Variants in MYO5B observed in about 807,000 individuals in gnomAD.
MYO5B encodes the protein unconventional myosin-Vb.
A neutral mutation model predicts 229.3 loss-of-function variants in MYO5B; 143 were observed. The observed-to-expected ratio is 0.62, with a 90% CI of 0.54 to 0.72. The LOEUF (loss-of-function observed/expected upper bound fraction) is 0.72. MYO5B is among the 30% of genes least tolerant of loss of function. The pLI is 0.00. For synonymous variants in MYO5B, 918 were observed against 885.2 expected, an observed-to-expected ratio of 1.04 and a Z score of -0.66; for missense variants, 2,321 against 2,331.0, an observed-to-expected ratio of 1.00 and a Z score of 0.09.
intron 4 of MYO5B, among the ~76,000 whole-genome samples, chr18:50,005,346 G>A (rs574997296): frequency 3.0e-4 from 46 of 152,220 alleles, no homozygotes; most frequent in Middle Eastern, 3.4e-3. Context: ...GGTAAGCCAC[G>A]TACCCACATT....
intron 4 of MYO5B, among the ~76,000 whole-genome samples, chr18:50,016,651 T>C (rs537752100): frequency 6.6e-6 from 1 of 152,322 alleles, no homozygotes; most frequent in African/African-American, 2.4e-5. Context: ...TTATTTATGG[T>C]GACATCTGAG....
rs1568038134 is a variant in MYO5B, at chr18:49,937,364, TGTC to T, written c.1783_1785del (p.Asp595del). ...GGGGTGGTGGCAGGAACAGGGTCCTTGTCATCATGAAACAAGTCAGCCACTAGT... is the reference window on the plus strand; with the variant it reads ...GGGGTGGTGGCAGGAACAGGGTCCTTATCATGAAACAAGTCAGCCACTAGT... On this transcript the variant is annotated inframe_deletion, in exon 15 of 40. Transcript: ENST00000285039. 1 of 1,614,116 alleles carries T rather than the reference TGTC, an allele frequency of 6.2e-7. No individual in the cohort carries two copies. The highest frequency in any genetic ancestry group is 2.2e-5 in the East Asian group (1 of 44,882).
intron 1 of MYO5B, among the ~76,000 whole-genome samples, chr18:50,080,713 A>G: frequency 6.6e-6 from 1 of 152,156 alleles, no homozygotes; most frequent in Non-Finnish European, 1.5e-5. Flanking sequence ...TTTACACAAC[A>G]CTTGCTATGT....
At chr18:49,841,581 G>A in intron 34 of MYO5B, 127 bp from the exon 35 acceptor site, 1 of 851,986 alleles carries the variant, frequency 1.2e-6, no homozygotes, top group Non-Finnish European at 2.0e-6. Context: ...GGCTGGGCAG[G>A]GCACTTGCCA....
At chr18:50,060,746 G>C (rs1412363136) in intron 1 of MYO5B, among the ~76,000 whole-genome samples, 1 of 152,128 alleles carries the variant, frequency 6.6e-6, no homozygotes, top group South Asian at 2.1e-4. Flanking sequence ...CAGCTGGAGG[G>C]GGTGGCCAAC....
chr18:49,877,695 G>A (rs2144102817), intron 25 of MYO5B, 68 bp downstream of exon 25: 1 of 1,606,320 alleles, frequency 6.2e-7, no homozygotes, highest in Admixed American at 1.7e-5. Context: ...CTCTTGGACA[G>A]TTCCACACAG....
intron 14 of MYO5B, among the ~76,000 whole-genome samples, chr18:49,938,355 G>T (rs1441866119): frequency 6.6e-6 from 1 of 152,108 alleles, no homozygotes; most frequent in Non-Finnish European, 1.5e-5. Flanking sequence ...AGTCTGACAG[G>T]AACACAGTCC....
chr18:49,906,720 C>A, intron 18 of MYO5B, 90 bp from the exon 19 acceptor site: 1 of 1,207,158 alleles, frequency 8.3e-7, no homozygotes, highest in Non-Finnish European at 1.2e-6. Flanking sequence ...CATGCAGAAT[C>A]CCCTGGCCAG....
chr18:50,129,237 T>C (rs2032216354), intron 1 of MYO5B, among the ~76,000 whole-genome samples: 1 of 152,162 alleles, frequency 6.6e-6, no homozygotes, highest in South Asian at 2.1e-4. Context: ...GAGCTAGAGC[T>C]TATCTCACAT....
intron 16 of MYO5B, among the ~76,000 whole-genome samples, chr18:49,931,581 C>T (rs1598891221): frequency 6.6e-6 from 1 of 152,304 alleles, no homozygotes; most frequent in East Asian, 1.9e-4. Context: ...ATGTGCTGAG[C>T]ACCTCACTGC....
At chr18:50,194,038 C>A (rs2033264191) in intron 1 of MYO5B, among the ~76,000 whole-genome samples, 1 of 152,210 alleles carries the variant, frequency 6.6e-6, no homozygotes, top group African/African-American at 2.4e-5. Context: ...GACTTTACTC[C>A]AACCCCCTCC....
chr18:49,830,188 A>C (rs1189370466), intron 39 of MYO5B, among the ~76,000 whole-genome samples: 3 of 146,686 alleles, frequency 2.0e-5, no homozygotes, highest in African/African-American at 7.4e-5. Context: ...GCTAGAGCTA[A>C]TGAATTCAGC....
intron 39 of MYO5B, among the ~76,000 whole-genome samples, chr18:49,827,723 A>C (rs2023864288): frequency 6.6e-6 from 1 of 152,088 alleles, no homozygotes; most frequent in Non-Finnish European, 1.5e-5. Flanking sequence ...CAGGAGTACC[A>C]GAAGGAAAAG....
intron 1 of MYO5B, among the ~76,000 whole-genome samples, chr18:50,061,088 A>G (rs1223862099): frequency 1.3e-5 from 2 of 152,202 alleles, no homozygotes; most frequent in Non-Finnish European, 2.9e-5. Context: ...CCCCAGCTAA[A>G]ATGTAAATAC....
chr18:49,993,765 C>T (rs1012295302), intron 5 of MYO5B, among the ~76,000 whole-genome samples: 1 of 152,184 alleles, frequency 6.6e-6, no homozygotes, highest in Non-Finnish European at 1.5e-5. Context: ...GTCCCACTCC[C>T]ATCTTCCACC....
chr18:49,925,031 T>A (rs2025113529), intron 17 of MYO5B, among the ~76,000 whole-genome samples: 1 of 152,174 alleles, frequency 6.6e-6, no homozygotes, highest in Non-Finnish European at 1.5e-5. Flanking sequence ...CCAGGGGCAT[T>A]CCAAAGTTAA....
At chr18:50,122,973 T>C (rs923231956) in intron 1 of MYO5B, among the ~76,000 whole-genome samples, 11 of 152,298 alleles carry the variant, frequency 7.2e-5, no homozygotes, top group Admixed American at 5.9e-4. Flanking sequence ...GCATGCTATA[T>C]ACCCAAAATA....
At chr18:50,025,913 A>T (rs1043059476) in intron 4 of MYO5B, among the ~76,000 whole-genome samples, 1 of 152,262 alleles carries the variant, frequency 6.6e-6, no homozygotes, top group Non-Finnish European at 1.5e-5. Context: ...AATAAAGAAA[A>T]CTGTGAACAT....
intron 14 of MYO5B, among the ~76,000 whole-genome samples, chr18:49,946,054 T>C (rs1350185373): frequency 1.3e-5 from 2 of 152,054 alleles, no homozygotes; most frequent in African/African-American, 4.8e-5. Flanking sequence ...TCTGCATAAC[T>C]ATACTATTGG....
Sources: allele counts gnomAD v4.1 joint callset (sites outside exome capture counted in the v4.1 genomes callset), GRCh38; gene constraint gnomAD v4.1.1; transcripts MANE v1.5; gene names NCBI Gene and HGNC (gene_info 2026-07-23, HGNC 2026-07-21).